Variants in NDUFA10 observed in about 807,000 individuals in gnomAD.
NDUFA10 encodes the protein NADH dehydrogenase [ubiquinone] 1 alpha subcomplex subunit 10, mitochondrial.
A neutral mutation model predicts 47.8 loss-of-function variants in NDUFA10; 40 were observed. The observed-to-expected ratio is 0.84, with a 90% confidence interval of 0.65 to 1.09. NDUFA10 has a LOEUF of 1.09. Among genes scored for constraint, NDUFA10 ranks in the 50% least tolerant of loss-of-function variants. NDUFA10 has a pLI of 0.00. For missense variants in NDUFA10, 413 were observed against 451.1 expected, an observed-to-expected ratio of 0.92 and a Z score of 0.76; for synonymous variants, 183 against 172.2, an observed-to-expected ratio of 1.06 and a Z score of -0.49.
Position 240,025,189 on chromosome 2 carries a change from T to TGCCACCCC in NDUFA10, c.75+30_75+37dup, listed in dbSNP as rs755963006. The TGCCACCCC allele has an allele frequency of 1.7e-4, 39 of 223,594 alleles. No individual in the cohort carries two copies. The African/African-American group carries it at 1.9e-3, about 11-fold the overall frequency. 13.9% of individuals were successfully genotyped at this position (223,594 alleles called of 1,614,324 possible). ...TCCCCACCCCGCCACCCCGCCACCC[T>TGCCACCCC]GCCACCCCGCCACCCTGCCACCCCG... On this transcript the variant is annotated intron_variant, in intron 1 of 9. Transcript: ENST00000252711.
intron 8 of NDUFA10, among the ~76,000 whole-genome samples, chr2:239,991,388 T>C (rs1696241950): frequency 6.6e-6 from 1 of 152,244 alleles, no homozygotes; most frequent in African/African-American, 2.4e-5. Flanking sequence ...AGTGTATTTA[T>C]GTGCGTTTCC....
intron 9 of NDUFA10, among the ~76,000 whole-genome samples, chr2:239,983,018 G>A (rs1342697292): frequency 2.6e-5 from 4 of 152,158 alleles, no homozygotes; most frequent in Admixed American, 6.5e-5. Context: ...TCTCAGGGGT[G>A]TGTGCAAGGA....
intron 4 of NDUFA10, among the ~76,000 whole-genome samples, chr2:239,933,380 A>G (rs11890367): frequency 0.43 from 65,290 of 151,796 alleles, 14,129 homozygotes; most frequent in East Asian, 0.47. Flanking sequence ...CACAATAATG[A>G]TGTGTCTATA....
chr2:239,930,767 C>T (rs1401398535), intron 4 of NDUFA10, among the ~76,000 whole-genome samples: 2 of 152,004 alleles, frequency 1.3e-5, no homozygotes, highest in Non-Finnish European at 2.9e-5. Context: ...TGGATGGGTA[C>T]AGCGAGCTCA....
At chr2:239,894,794 T>A (rs1198498431) in intron 5 of NDUFA10, among the ~76,000 whole-genome samples, 1 of 152,192 alleles carries the variant, frequency 6.6e-6, no homozygotes, top group Non-Finnish European at 1.5e-5. Flanking sequence ...TGTCTTTTGA[T>A]AATGTCATAT....
intron 7 of NDUFA10, among the ~76,000 whole-genome samples, chr2:240,006,669 A>G (rs562185862): frequency 2.2e-4 from 33 of 152,362 alleles, no homozygotes; most frequent in African/African-American, 7.0e-4. Flanking sequence ...AGTACCATTT[A>G]GGAAACAATT....
chr2:239,979,548 G>A (rs911633237), intron 9 of NDUFA10, among the ~76,000 whole-genome samples: 1 of 152,092 alleles, frequency 6.6e-6, no homozygotes, highest in South Asian at 2.1e-4. Flanking sequence ...AACTTGGCTG[G>A]GCAAGGAGGG....
At chr2:239,986,374 G>A (rs951972607) in intron 9 of NDUFA10, among the ~76,000 whole-genome samples, 14 of 152,204 alleles carry the variant, frequency 9.2e-5, no homozygotes, top group Non-Finnish European at 1.8e-4. Context: ...CAGGAGACTA[G>A]CTACGCCCCG....
chr2:239,914,432 GAC>G lies in NDUFA10; in HGVS notation c.295-19120_295-19119del, dbSNP rs1242403920. ...ACACAAATATACAGACACACACAGA[GAC>G]ACACAGAGATACACACACAAACATA... On this transcript the variant is annotated intron_variant, in intron 4 of 5. Transcript: ENST00000419408. Among the ~76,000 whole-genome samples the G allele has an allele frequency of 1.3e-4, 16 of 124,450 alleles. No homozygotes were observed. The South Asian group carries it at 2.6e-3, about 20-fold the overall frequency. The allele number at this position is 124,450 out of a possible 152,430, so 81.6% of individuals were successfully genotyped here. A position where few individuals can be genotyped will look rare whatever the true frequency, so the allele number is the denominator to read the frequency against.
chr2:239,974,896 C>T (rs535076526), intron 9 of NDUFA10, among the ~76,000 whole-genome samples: 2 of 122,896 alleles, frequency 1.6e-5, no homozygotes, highest in African/African-American at 5.8e-5. Flanking sequence ...CACCAAAGAG[C>T]TGGTCATTTA....
intron 9 of NDUFA10, among the ~76,000 whole-genome samples, chr2:239,967,563 C>G: frequency 6.6e-6 from 1 of 152,154 alleles, no homozygotes. Context: ...AAAGCTGAGT[C>G]CACGACGTGG....
intron 4 of NDUFA10, among the ~76,000 whole-genome samples, chr2:239,898,888 AAGGGGTGTGAAGG>A (rs1693452555): frequency 6.6e-6 from 1 of 151,886 alleles, no homozygotes; most frequent in Admixed American, 6.6e-5. Context: ...TCCACATGTA[AAGGGGTGTGAAGG>A]AGGGGAGTGA....
Position 239,928,633 on chromosome 2 carries a change from A to AC in NDUFA10, c.295-33320dup, listed in dbSNP as rs1214161584. The stretch of plus-strand genomic sequence containing the variant: ...GTGACCTCATCCAGGGCCCTGGGGG[A>AC]CACTCTCACCTGTGATTCCCAAGCT... On this transcript the variant is annotated intron_variant, in intron 4 of 5. Coordinates refer to the NDUFA10 transcript ENST00000419408. The surrounding 1 kb of genome is among the most constrained non-coding windows in gnomAD (Gnocchi z 4.3). Among the ~76,000 whole-genome samples, 4 of 151,732 alleles carry AC rather than the reference A, an allele frequency of 2.6e-5. No homozygotes were observed. Among genetic ancestry groups the AC allele is most frequent in the African/African-American group, 9.7e-5 (4 of 41,266 alleles).
At chr2:240,006,641 T>C (rs967888957) in intron 7 of NDUFA10, among the ~76,000 whole-genome samples, 3 of 152,240 alleles carry the variant, frequency 2.0e-5, no homozygotes, top group Non-Finnish European at 2.9e-5. Context: ...TTTTAACAAA[T>C]GGATGCTCAG....
chr2:239,953,667 CCT>C (rs1412017019), downstream of NDUFA10, among the ~76,000 whole-genome samples: 1 of 151,916 alleles, frequency 6.6e-6, no homozygotes, highest in Non-Finnish European at 1.5e-5. Flanking sequence ...CCTCCTGTGC[CCT>C]CTTAGGTGGG....
intron 4 of NDUFA10, among the ~76,000 whole-genome samples, chr2:239,951,191 G>A (rs982984952): frequency 9.9e-5 from 15 of 152,216 alleles, no homozygotes; most frequent in African/African-American, 3.6e-4. Context: ...AGAAGGAGAG[G>A]CTACTATTGA....
At position 239,951,944 on chromosome 2, in the gene NDUFA10, G is replaced by A. The variant is rs1008030262; in HGVS notation, c.294+38130C>T. On this transcript the variant is annotated intron_variant, in intron 4 of 5. Transcript: ENST00000419408. ...GCTCCTGCCTGGCTCTGTCCCTCTC[G>A]AGACCTGAGATGGTGCATGCCCTTT... Among the ~76,000 whole-genome samples the A allele has an allele frequency of 3.3e-5, 5 of 152,224 alleles. No homozygotes were observed. In the South Asian group the frequency reaches 6.2e-4, roughly 19 times the overall value.
Position 239,911,670 on chromosome 2 carries a change from A to AGTGTGTGTGTGTGTGTGTGT in NDUFA10, c.295-16357_295-16356insACACACACACACACACACAC, listed in dbSNP as rs146389087. On this transcript the variant is annotated intron_variant, in intron 4 of 5. Transcript: ENST00000419408. The stretch of plus-strand genomic sequence containing the variant: ...CAGCCCAGACACCAAAACATGAGAG[A>AGTGTGTGTGTGTGTGTGTGT]GTGTGTGTGCGTGTGTGTGTGTGTG... 1.1e-4 allele frequency among the ~76,000 whole-genome samples: 16 copies of AGTGTGTGTGTGTGTGTGTGT among 146,532 alleles called. 1 individual carries two copies. Among genetic ancestry groups the AGTGTGTGTGTGTGTGTGTGT allele is most frequent in the African/African-American group, 3.6e-4 (14 of 39,198 alleles).
At chr2:239,937,066 A>T (rs775337121) in intron 4 of NDUFA10, among the ~76,000 whole-genome samples, 2 of 152,208 alleles carry the variant, frequency 1.3e-5, no homozygotes, top group Non-Finnish European at 2.9e-5. Context: ...CCTCTTGACG[A>T]ATCAGGAGCA....
Sources: gnomAD v4.1 joint callset for allele counts (sites outside exome capture counted in the v4.1 genomes callset) on GRCh38, gnomAD v4.1.1 for gene constraint, Gnocchi (gnomAD v3.1) non-coding constraint, MANE v1.5 for transcripts, NCBI Gene and HGNC (gene_info 2026-07-23, HGNC 2026-07-21) for gene names.